The following NSMCE2 variants were observed in gnomAD, a reference collection of about 807,000 sequenced individuals.
The protein encoded by NSMCE2 is NSE2 SUMO ligase component of SMC5/6 complex.
In NSMCE2, 24 loss-of-function variants were observed where a neutral mutation model predicts 23.8. The observed-to-expected ratio is 1.01, with a 90% CI of 0.73 to 1.42. The LOEUF (loss-of-function observed/expected upper bound fraction) is 1.42. NSMCE2 is among the 40% of genes most tolerant of loss of function. The pLI is 0.00. For synonymous variants in NSMCE2, 92 were observed against 94.1 expected (o/e 0.98, Z 0.13); for missense variants, 284 against 296.5 (o/e 0.96, Z 0.31).
chr8:125,136,672 A>T (rs1820083785), intron 3 of NSMCE2, among the ~76,000 whole-genome samples: 1 of 152,080 alleles, frequency 6.6e-6, no homozygotes, highest in South Asian at 2.1e-4. Flanking sequence ...ACACAGATAC[A>T]CTAGTGGGTG....
At chr8:125,355,531 C>T (rs1346930005) in intron 5 of NSMCE2, among the ~76,000 whole-genome samples, 8 of 152,034 alleles carry the variant, frequency 5.3e-5, no homozygotes. Context: ...GAAACCCCAT[C>T]TCTACTAAAA....
intron 5 of NSMCE2, among the ~76,000 whole-genome samples, chr8:125,317,488 C>T (rs10956239): frequency 0.44 from 66,874 of 152,064 alleles, 16,991 homozygotes; most frequent in East Asian, 0.55. Flanking sequence ...TGCACCACCA[C>T]ACCTGACCAA....
chr8:125,134,369 GATCT>G (rs1182640570), intron 3 of NSMCE2, among the ~76,000 whole-genome samples: 1 of 152,112 alleles, frequency 6.6e-6, no homozygotes, highest in African/African-American at 2.4e-5. Flanking sequence ...GAAAATATGG[GATCT>G]ATGTGTGGAG....
At chr8:125,110,762 G>GTTTTTTTTTT (rs1017002301) in intron 3 of NSMCE2, among the ~76,000 whole-genome samples, 79 of 41,634 alleles carry the variant, frequency 1.9e-3, no homozygotes, top group East Asian at 2.4e-3. Context: ...GGTTGTTGTT[G>GTTTTTTTTTT]TTTTTTTTTT....
intron 3 of NSMCE2, among the ~76,000 whole-genome samples, chr8:125,146,788 C>G (rs1172475600): frequency 5.3e-5 from 8 of 151,920 alleles, no homozygotes; most frequent in African/African-American, 1.9e-4. Context: ...GGAGATATAC[C>G]TAATGTTAAA....
chr8:125,316,822 G>C (rs552507640), intron 5 of NSMCE2, among the ~76,000 whole-genome samples: 2 of 147,154 alleles, frequency 1.4e-5, no homozygotes, highest in Admixed American at 1.4e-4. Flanking sequence ...TCTGTTGCCA[G>C]GCTGGAGTTG....
chr8:125,260,241 C>T (rs1826628969), intron 5 of NSMCE2, among the ~76,000 whole-genome samples: 2 of 152,104 alleles, frequency 1.3e-5, no homozygotes, highest in Admixed American at 6.6e-5. Context: ...ATGTGACTAC[C>T]TGGAAGAATC....
At chr8:125,244,862 G>A (rs940151004) in intron 5 of NSMCE2, among the ~76,000 whole-genome samples, 8 of 152,138 alleles carry the variant, frequency 5.3e-5, no homozygotes, top group Non-Finnish European at 1.0e-4. Flanking sequence ...ATATAGAGGA[G>A]CGACTGCTCA....
chr8:125,139,621 G>C (rs144080929), intron 3 of NSMCE2, among the ~76,000 whole-genome samples: 1 of 152,128 alleles, frequency 6.6e-6, no homozygotes, highest in East Asian at 1.9e-4. Flanking sequence ...GATCTCATGA[G>C]ATTTATTCAC....
At position 125,152,083 on chromosome 8, in the gene NSMCE2, A is replaced by C. The variant is rs573402613; in HGVS notation, c.264+806A>C. Among the ~76,000 whole-genome samples, 11 of 152,376 alleles carry C rather than the reference A, an allele frequency of 7.2e-5. No homozygotes were observed. The South Asian group carries it at 2.3e-3, about 32-fold the overall frequency. ...GAAGATACATTTTTAAATCATGTTT[A>C]ATACCTAAGCCAATGAAATGAGCAT... On this transcript the variant is annotated intron_variant, in intron 4 of 7. Transcript: ENST00000287437.
chr8:125,166,152 G>T (rs1317884585), intron 4 of NSMCE2, among the ~76,000 whole-genome samples: 1 of 152,128 alleles, frequency 6.6e-6, no homozygotes, highest in Admixed American at 6.5e-5. Flanking sequence ...TATTAGAAAA[G>T]TCATGGCACT....
At chr8:125,318,395 G>A (rs763443759) in intron 5 of NSMCE2, among the ~76,000 whole-genome samples, 1 of 152,186 alleles carries the variant, frequency 6.6e-6, no homozygotes, top group Non-Finnish European at 1.5e-5. Flanking sequence ...GCGACACAGT[G>A]AGACCCTGAC....
intron 5 of NSMCE2, among the ~76,000 whole-genome samples, chr8:125,271,332 A>C (rs13260816): frequency 6.6e-6 from 1 of 152,154 alleles, no homozygotes; most frequent in East Asian, 1.9e-4. Context: ...GATACTATCA[A>C]AGTGGACATA....
intron 5 of NSMCE2, among the ~76,000 whole-genome samples, chr8:125,197,047 TG>T (rs200900777): frequency 0.074 from 11,332 of 152,278 alleles, 530 homozygotes; most frequent in Middle Eastern, 0.28. Context: ...TTAATGGGGT[TG>T]TTTTTTTCTT....
intron 3 of NSMCE2, among the ~76,000 whole-genome samples, chr8:125,106,296 T>C (rs1295026828): frequency 6.6e-6 from 1 of 152,214 alleles, no homozygotes; most frequent in Non-Finnish European, 1.5e-5. Flanking sequence ...AAATAACTAA[T>C]ATCACCACTG....
intron 4 of NSMCE2, among the ~76,000 whole-genome samples, chr8:125,168,012 C>G (rs1277075234): frequency 6.6e-6 from 1 of 152,166 alleles, no homozygotes; most frequent in East Asian, 1.9e-4. Flanking sequence ...CTTAATCATA[C>G]AGTTCGGGTA....
intron 3 of NSMCE2, among the ~76,000 whole-genome samples, chr8:125,138,670 A>C (rs1820196377): frequency 6.6e-6 from 1 of 152,164 alleles, no homozygotes; most frequent in Non-Finnish European, 1.5e-5. Context: ...TAAAGTGACA[A>C]ATGAAGCATG....
intron 5 of NSMCE2, among the ~76,000 whole-genome samples, chr8:125,329,643 T>C (rs1486143356): frequency 6.6e-6 from 1 of 152,160 alleles, no homozygotes; most frequent in African/African-American, 2.4e-5. Context: ...GGGGCCCTTT[T>C]TAATCTTGTG....
intron 5 of NSMCE2, among the ~76,000 whole-genome samples, chr8:125,301,731 C>T (rs1428654148): frequency 1.3e-5 from 2 of 150,250 alleles, no homozygotes; most frequent in South Asian, 2.1e-4. Flanking sequence ...GGCACAGTCT[C>T]GGCTCACTAC....
Sources: allele counts gnomAD v4.1 joint callset (sites outside exome capture counted in the v4.1 genomes callset), GRCh38; gene constraint gnomAD v4.1.1; transcripts MANE v1.5; gene names NCBI Gene and HGNC (gene_info 2026-07-23, HGNC 2026-07-21).